The following STRADB variants were observed in gnomAD, a reference collection of about 807,000 sequenced individuals.
STRADB encodes the protein STE20-related kinase adapter protein beta.
STRADB carries 34 observed loss-of-function variants against 52.1 expected under a neutral mutation model. That is an observed-to-expected ratio of 0.65 (90% CI 0.50 to 0.87). The LOEUF is 0.87. Among genes scored for constraint, STRADB ranks in the 40% least tolerant of loss-of-function variants. The pLI is 0.00. For synonymous variants in STRADB, 133 were observed against 174.5 expected, an observed-to-expected ratio of 0.76 and a Z score of 1.87; for missense variants, 340 against 483.9, an observed-to-expected ratio of 0.70 and a Z score of 2.79.
At chr2:201,463,330 T>TGA (rs1308341099) in intron 3 of STRADB, among the ~76,000 whole-genome samples, 1 of 17,080 alleles carries the variant, frequency 5.9e-5, no homozygotes, top group Non-Finnish European at 1.4e-4. Context: ...TGAGACTGTC[T>TGA]CAAAAAAAAA....
At position 201,480,058 on chromosome 2, in the gene STRADB, A is replaced by G; in HGVS notation, c.1140A>G (p.Ile380Met). ...TGAAAGAAGAAAGCCAGGATTCAATACTTTCACTGTTGCCTCCTGCTTATA... is the reference window on the plus strand; with the variant it reads ...TGAAAGAAGAAAGCCAGGATTCAATGCTTTCACTGTTGCCTCCTGCTTATA... ...KQMKEESQDSILSLLPPAYNK... is the reference protein window; with the variant it reads ...KQMKEESQDSMLSLLPPAYNK... The change falls in exon 12 of 12, where the codon ATA becomes ATG. Residue 380 changes from isoleucine (I) to methionine (M), a missense_variant. By Grantham distance (10) the Ile-to-Met change is conservative. Transcript: ENST00000194530. The G allele has an allele frequency of 6.2e-7, 1 of 1,613,900 alleles. No individual in the cohort carries two copies. The highest frequency in any genetic ancestry group is 8.5e-7 in the Non-Finnish European group (1 of 1,179,826).
intron 6 of STRADB, among the ~76,000 whole-genome samples, chr2:201,475,185 G>C (rs1266372297): frequency 6.6e-6 from 1 of 152,126 alleles, no homozygotes. Flanking sequence ...CTTCTTGAGG[G>C]CCGGGATCAT....
chr2:201,475,814 G>T, intron 7 of STRADB, 72 bp downstream of exon 7: 2 of 1,480,156 alleles, frequency 1.4e-6, no homozygotes, highest in Non-Finnish European at 1.8e-6. Context: ...GTTTTAGGAA[G>T]GAGCAGTTGA....
chr2:201,473,119 C>A, intron 5 of STRADB, 43 bp downstream of exon 5: 3 of 1,561,356 alleles, frequency 1.9e-6, no homozygotes, highest in African/African-American at 1.4e-5. Context: ...GCCTCTGTAT[C>A]CACTGGTTCC....
Position 201,475,617 on chromosome 2 carries a change from A to G in STRADB, c.425-2A>G. ...TCTAAGGATTTTAGGGGTTTCTTTC[A>G]GGTTCAGCAAGTCAACTCTTGAGGA... On this transcript the variant is annotated splice_acceptor_variant, in intron 6 of 11. Coordinates refer to ENST00000194530, the MANE Select transcript of STRADB (RefSeq NM_018571.6). LOFTEE classifies it high-confidence loss of function. The G allele has an allele frequency of 6.2e-7, 1 of 1,611,840 alleles. No individual in the cohort carries two copies. The highest frequency in any genetic ancestry group is 1.1e-5 in the South Asian group (1 of 90,956).
intron 10 of STRADB, 114 bp downstream of exon 10, chr2:201,478,715 C>A: frequency 8.2e-7 from 1 of 1,213,610 alleles, no homozygotes; most frequent in Non-Finnish European, 1.1e-6. Context: ...ATATTGTCTG[C>A]TCTAGAAAAT....
At chr2:201,478,283 T>C in intron 9 of STRADB, 74 bp from the exon 10 acceptor site, 1 of 1,597,942 alleles carries the variant, frequency 6.3e-7, no homozygotes, top group Non-Finnish European at 8.5e-7. Context: ...CTATAGACTC[T>C]TAGGAGCTTT....
At chr2:201,474,514 A>T (rs1030978080) in intron 5 of STRADB, 133 bp from the exon 6 acceptor site, 13 of 633,324 alleles carry the variant, frequency 2.1e-5, no homozygotes, top group Non-Finnish European at 3.5e-5. Context: ...GTGAGATTTA[A>T]ATAGATAAAA....
rs1218913219 is a variant in STRADB, at chr2:201,474,036, G to A, written c.316-611G>A. 4.6e-5 allele frequency among the ~76,000 whole-genome samples: 7 copies of A among 151,900 alleles called. No individual in the cohort carries two copies. The East Asian group carries it at 9.7e-4, about 21-fold the overall frequency. On this transcript the variant is annotated intron_variant, in intron 5 of 11. Transcript: ENST00000194530. The stretch of plus-strand genomic sequence containing the variant: ...CTCCCGAGTAGCTGGGACTACAGGC[G>A]CCCACCACCACGTCCAGCTAACTTT...
Position 201,478,434 on chromosome 2 carries a change from G to T in STRADB, c.903G>T (p.Met301Ile). ...TTTTCCCTCAATCAGAATCCAGAAT[G>T]AAAAATTCCCAGTCAGGTGTAGACT... ...ISIFPQSESR[M>I]KNSQSGVDSG... Residue 301 changes from methionine to isoleucine, a missense_variant, in exon 10 of 12, where the codon ATG (methionine) becomes ATT (isoleucine). Transcript: ENST00000194530. 1 of 1,614,098 alleles carries T rather than the reference G, an allele frequency of 6.2e-7. No individual in the cohort carries two copies. The highest frequency in any genetic ancestry group is 8.5e-7 in the Non-Finnish European group (1 of 1,180,022).
chr2:201,474,184 C>G (rs1396830006), intron 5 of STRADB, among the ~76,000 whole-genome samples: 1 of 152,206 alleles, frequency 6.6e-6, no homozygotes, highest in East Asian at 1.9e-4. Context: ...GCCACCGTGC[C>G]CGGCCCCAAT....
At position 201,460,240 on chromosome 2, in the gene STRADB, T is replaced by A. The variant is rs182910527; in HGVS notation, c.93+1376T>A. 1.0e-3 allele frequency among the ~76,000 whole-genome samples: 159 copies of A among 151,910 alleles called. 2 individuals carry two copies. The highest frequency in any genetic ancestry group is 3.5e-3 in the African/African-American group (145 of 41,456). On this transcript the variant is annotated intron_variant, in intron 3 of 11. Coordinates refer to ENST00000194530, the MANE Select transcript of STRADB (RefSeq NM_018571.6). ...AGGAAGTAGTATCTGAGGGGTTTTTTAAAAAAAAATTTGGAGTACATAGAA... is the reference window on the plus strand; with the variant it reads ...AGGAAGTAGTATCTGAGGGGTTTTTAAAAAAAAAATTTGGAGTACATAGAA...
intron 11 of STRADB, 37 bp from the exon 12 acceptor site, chr2:201,479,995 G>GATATATCATTTCA: frequency 6.3e-7 from 1 of 1,595,614 alleles, no homozygotes; most frequent in Non-Finnish European, 8.6e-7. Flanking sequence ...ATATTGAAAT[G>GATATATCATTTCA]ATATATCAAC....
At chr2:201,467,162 A>G (rs1290209356) in intron 3 of STRADB, among the ~76,000 whole-genome samples, 1 of 152,218 alleles carries the variant, frequency 6.6e-6, no homozygotes, top group Non-Finnish European at 1.5e-5. Flanking sequence ...CTTACATTGT[A>G]TTATCAATCC....
At chr2:201,470,834 A>C (rs1180116926) in intron 4 of STRADB, among the ~76,000 whole-genome samples, 1 of 152,238 alleles carries the variant, frequency 6.6e-6, no homozygotes, top group Non-Finnish European at 1.5e-5. Flanking sequence ...TAGACAACAT[A>C]AACAATCCTG....
At chr2:201,458,700 C>G in intron 2 of STRADB, 84 bp from the exon 3 acceptor site, 12 of 1,232,982 alleles carry the variant, frequency 9.7e-6, no homozygotes, top group Non-Finnish European at 1.4e-5. Flanking sequence ...CCACTGTAGT[C>G]ATTAGACCTT....
In STRADB at chr2:201,472,945, C is replaced by CG. The variant is rs760938422; in HGVS notation, c.194-10_194-9insG. ...TTGGTTACTAACATGAGTTTTATGTCTGATTACAGGAAGAGGATTTGACAA... is the reference window on the plus strand; with the variant it reads ...TTGGTTACTAACATGAGTTTTATGTCGTGATTACAGGAAGAGGATTTGACAA... On this transcript the variant is annotated splice_polypyrimidine_tract_variant and intron_variant, in intron 4 of 11. Coordinates refer to ENST00000194530, the MANE Select transcript of STRADB (RefSeq NM_018571.6). 11 of 1,586,976 alleles carry CG rather than the reference C, an allele frequency of 6.9e-6. No homozygotes were observed. The highest frequency in any genetic ancestry group is 3.6e-4 in the Middle Eastern group (2 of 5,560).
chr2:201,453,898 C>T lies in STRADB; in HGVS notation c.-95-848C>T, dbSNP rs147299989. ...TTCAGGTCCGTCTTCCTCCCAATCT[C>T]TACCTTTGGTTCATAGTGAACATCC... On this transcript the variant is annotated intron_variant, in intron 1 of 11. Coordinates refer to ENST00000194530, the MANE Select transcript of STRADB (RefSeq NM_018571.6). Among the ~76,000 whole-genome samples the T allele has an allele frequency of 3.9e-5, 6 of 152,314 alleles. No homozygotes were observed. In the South Asian group the frequency reaches 6.2e-4, roughly 16 times the overall value.
chr2:201,479,208 T>A, intron 10 of STRADB: 1 of 317,374 alleles, frequency 3.2e-6, no homozygotes, highest in African/African-American at 2.2e-5. Context: ...ACGTTAAGAC[T>A]CTAAGTAGTA....
Sources: allele counts gnomAD v4.1 joint callset (sites outside exome capture counted in the v4.1 genomes callset), GRCh38; gene constraint gnomAD v4.1.1; transcripts MANE v1.5; gene names NCBI Gene and HGNC (gene_info 2026-07-23, HGNC 2026-07-21).